Variants in TBC1D19 observed in about 807,000 individuals in gnomAD.
The protein encoded by TBC1D19 is TBC1 domain family member 19.
Under a neutral mutation model 89.0 loss-of-function variants are expected in TBC1D19, and 60 were observed. The observed-to-expected ratio is 0.67, with a 90% CI of 0.55 to 0.84. The LOEUF is 0.84. TBC1D19 is among the 40% of genes least tolerant of loss of function. The pLI is 0.00. For synonymous variants in TBC1D19, 189 were observed against 199.7 expected, an observed-to-expected ratio of 0.95 and a Z score of 0.45; for missense variants, 500 against 610.8, an observed-to-expected ratio of 0.82 and a Z score of 1.91.
upstream of TBC1D19, among the ~76,000 whole-genome samples, chr4:26,581,630 A>G (rs1739068708): frequency 6.6e-6 from 1 of 152,150 alleles, no homozygotes; most frequent in Non-Finnish European, 1.5e-5. Flanking sequence ...GCCTTGTGGG[A>G]TGGAGATGGT....
chr4:26,713,407 T>G (rs1716338259), intron 13 of TBC1D19, among the ~76,000 whole-genome samples: 1 of 151,870 alleles, frequency 6.6e-6, no homozygotes, highest in Non-Finnish European at 1.5e-5. Flanking sequence ...GAAACCAACA[T>G]TTGCAATATT....
chr4:26,596,412 T>A (rs1216075585), intron 1 of TBC1D19, among the ~76,000 whole-genome samples: 1 of 151,944 alleles, frequency 6.6e-6, no homozygotes, highest in Non-Finnish European at 1.5e-5. Context: ...TATTTCTTGT[T>A]AATGTCTGAA....
intron 13 of TBC1D19, among the ~76,000 whole-genome samples, chr4:26,713,916 T>TA (rs1395487206): frequency 1.3e-5 from 2 of 152,072 alleles, no homozygotes; most frequent in African/African-American, 4.8e-5. Flanking sequence ...TGTAAAATGA[T>TA]ACAGTAAAAG....
chr4:26,819,534 C>G, the TBC1D19 span, among the ~76,000 whole-genome samples: 19 of 152,352 alleles, frequency 1.2e-4, no homozygotes, highest in Middle Eastern at 3.4e-3. Flanking sequence ...GCCACTGACT[C>G]TCTCCCAGAT....
the TBC1D19 span, among the ~76,000 whole-genome samples, chr4:26,823,130 G>C: frequency 8.1e-4 from 123 of 152,312 alleles, 1 homozygote; most frequent in African/African-American, 2.9e-3. Flanking sequence ...AGAAGGCAAG[G>C]AGGAGCAAGT....
chr4:26,616,440 A>C (rs938626778), intron 3 of TBC1D19, among the ~76,000 whole-genome samples: 3 of 152,190 alleles, frequency 2.0e-5, no homozygotes, highest in Non-Finnish European at 2.9e-5. Flanking sequence ...GTGGGGAAGA[A>C]ACATTTCCCC....
the TBC1D19 span, among the ~76,000 whole-genome samples, chr4:26,850,929 GGGAAAGATCCACCCTCAATGTGAGCA>G: frequency 2.6e-5 from 4 of 152,252 alleles, no homozygotes; most frequent in Admixed American, 2.6e-4. Context: ...TGGACTGAGT[GGGAAAGATCCACCCTCAATGTGAGCA>G]GGCACCATCC....
the TBC1D19 span, among the ~76,000 whole-genome samples, chr4:26,857,477 C>T: frequency 5.8e-4 from 88 of 152,346 alleles, no homozygotes; most frequent in African/African-American, 1.9e-3. Flanking sequence ...ACTTCTATAC[C>T]TCCACCCCTA....
chr4:26,603,060 C>T (rs543783462), intron 1 of TBC1D19, among the ~76,000 whole-genome samples: 1 of 152,164 alleles, frequency 6.6e-6, no homozygotes, highest in South Asian at 2.1e-4. Flanking sequence ...ATACTTGGGT[C>T]ATTGGGATGT....
At chr4:26,590,030 G>A (rs1161787509) in intron 1 of TBC1D19, among the ~76,000 whole-genome samples, 1 of 152,188 alleles carries the variant, frequency 6.6e-6, no homozygotes, top group East Asian at 1.9e-4. Flanking sequence ...TGCATTTTGG[G>A]TTCCAAAATT....
chr4:26,660,252 C>T (rs1745139555), intron 8 of TBC1D19, among the ~76,000 whole-genome samples: 1 of 152,074 alleles, frequency 6.6e-6, no homozygotes, highest in African/African-American at 2.4e-5. Flanking sequence ...CTTTCAAAGT[C>T]ACCCTAAAAC....
chr4:26,617,136 A>G (rs1741745397), intron 3 of TBC1D19, among the ~76,000 whole-genome samples: 1 of 152,190 alleles, frequency 6.6e-6, no homozygotes, highest in South Asian at 2.1e-4. Context: ...GTCCAATATC[A>G]AGGTGCCAGC....
At chr4:26,652,342 C>T (rs905785478) in intron 7 of TBC1D19, among the ~76,000 whole-genome samples, 3 of 152,008 alleles carry the variant, frequency 2.0e-5, no homozygotes, top group African/African-American at 7.2e-5. Flanking sequence ...CCATCTGGTC[C>T]TGGACTTTTT....
chr4:26,651,193 C>A (rs1254287157), intron 7 of TBC1D19, among the ~76,000 whole-genome samples: 6 of 152,144 alleles, frequency 3.9e-5, no homozygotes, highest in Non-Finnish European at 7.4e-5. Flanking sequence ...TGTCTTGGCA[C>A]TGCGGGCTCT....
chr4:26,742,464 A>C, intron 17 of TBC1D19, 44 bp from the exon 18 acceptor site: 1 of 1,441,220 alleles, frequency 6.9e-7, no homozygotes, highest in South Asian at 1.4e-5. Context: ...TAATTTTTAA[A>C]TATTAAAATA....
At chr4:26,819,016 T>C in the TBC1D19 span, among the ~76,000 whole-genome samples, 1 of 152,164 alleles carries the variant, frequency 6.6e-6, no homozygotes, top group African/African-American at 2.4e-5. Context: ...CTGGAAACAA[T>C]GGTTGTGGTA....
chr4:26,658,310 G>C (rs967242516), intron 7 of TBC1D19, among the ~76,000 whole-genome samples: 2 of 152,166 alleles, frequency 1.3e-5, no homozygotes, highest in Non-Finnish European at 2.9e-5. Flanking sequence ...CATATGGCTA[G>C]CCAGTTTTCC....
the TBC1D19 span, among the ~76,000 whole-genome samples, chr4:26,803,214 GA>G: frequency 6.6e-6 from 1 of 152,034 alleles, no homozygotes; most frequent in Non-Finnish European, 1.5e-5. Flanking sequence ...GGAAAAGGAA[GA>G]AAAAAATAAA....
chr4:26,830,448 G>A, the TBC1D19 span, among the ~76,000 whole-genome samples: 14 of 152,140 alleles, frequency 9.2e-5, no homozygotes, highest in Admixed American at 8.5e-4. Context: ...GAACTGAAAG[G>A]GATCAAGACC....
Sources: allele counts gnomAD v4.1 joint callset (sites outside exome capture counted in the v4.1 genomes callset), GRCh38; gene constraint gnomAD v4.1.1; transcripts MANE v1.5; gene names NCBI Gene and HGNC (gene_info 2026-07-23, HGNC 2026-07-21).